The following GAPVD1 variants were observed in gnomAD, a reference collection of about 807,000 sequenced individuals.
GAPVD1 encodes GTPase activating protein and VPS9 domains 1.
In GAPVD1, 35 loss-of-function variants were observed where a neutral mutation model predicts 155.5. The ratio of observed to expected loss-of-function variants is 0.23; its 90% confidence interval spans 0.17 to 0.30. GAPVD1 has a LOEUF of 0.30. GAPVD1 is among the 10% of genes least tolerant of loss of function. The pLI is 1.00. For missense variants in GAPVD1, 1,429 were observed against 1,775.7 expected, an observed-to-expected ratio of 0.80 and a Z score of 3.51; for synonymous variants, 636 against 619.7, an observed-to-expected ratio of 1.03 and a Z score of -0.39.
intron 19 of GAPVD1, among the ~76,000 whole-genome samples, chr9:125,343,877 AC>A (rs1848168669): frequency 6.6e-6 from 1 of 152,226 alleles, no homozygotes; most frequent in Non-Finnish European, 1.5e-5. Context: ...ACTCTTAATG[AC>A]ATCTCATGTT....
intron 2 of GAPVD1, among the ~76,000 whole-genome samples, chr9:125,286,331 A>G (rs972298331): frequency 2.6e-5 from 4 of 151,952 alleles, no homozygotes; most frequent in African/African-American, 9.7e-5. Flanking sequence ...TTTGATAGAG[A>G]TGGAGTTTTG....
intron 23 of GAPVD1, among the ~76,000 whole-genome samples, chr9:125,351,776 T>C (rs1849323466): frequency 6.6e-6 from 1 of 151,780 alleles, no homozygotes. Flanking sequence ...ATTTCGCTCT[T>C]GTTGCCCAGG....
At chr9:125,329,372 A>C (rs1420030907) in intron 12 of GAPVD1, among the ~76,000 whole-genome samples, 1 of 152,106 alleles carries the variant, frequency 6.6e-6, no homozygotes, top group African/African-American at 2.4e-5. Context: ...CAGTGTTTTT[A>C]ATCTTTGTAG....
chr9:125,311,362 C>T (rs1842662640), intron 8 of GAPVD1, among the ~76,000 whole-genome samples: 1 of 152,158 alleles, frequency 6.6e-6, no homozygotes, highest in African/African-American at 2.4e-5. Context: ...TGGCTCATGC[C>T]TGTAATCCCA....
rs1846155816 is a variant in GAPVD1, at chr9:125,331,983, T to C, written c.2231T>C (p.Leu744Pro). Residue 744 changes from leucine (L) to proline (P), a missense_variant, in exon 14 of 28, where the codon CTG (leucine) becomes CCG (proline). Physicochemically the swap from Leu to Pro is moderately conservative, Grantham distance 98. Coordinates refer to ENST00000297933, the MANE Select transcript of GAPVD1 (RefSeq NM_001282680.3). ...RLQELESCSGLGSTSDDTDVR... is the reference protein window; with the variant it reads ...RLQELESCSGPGSTSDDTDVR... ...CAAGAACTGGAGAGCTGTTCTGGACTGGGTAGCACATCTGATGATACGGAT... is the reference window on the plus strand; with the variant it reads ...CAAGAACTGGAGAGCTGTTCTGGACCGGGTAGCACATCTGATGATACGGAT... 6.2e-7 allele frequency: 1 copy of C among 1,613,922 alleles called. No individual in the cohort carries two copies. The highest frequency in any genetic ancestry group is 8.5e-7 in the Non-Finnish European group (1 of 1,179,810).
chr9:125,353,855 A>G (rs1310568766), intron 23 of GAPVD1, among the ~76,000 whole-genome samples: 1 of 152,220 alleles, frequency 6.6e-6, no homozygotes, highest in Non-Finnish European at 1.5e-5. Context: ...GAATACAGCC[A>G]AATCATATCA....
At chr9:125,289,931 C>T (rs1838312035) in intron 2 of GAPVD1, among the ~76,000 whole-genome samples, 1 of 152,116 alleles carries the variant, frequency 6.6e-6, no homozygotes, top group Non-Finnish European at 1.5e-5. Flanking sequence ...AGGAGATAGA[C>T]TGAGTGGAGA....
chr9:125,327,799 C>T (rs1348605703), intron 12 of GAPVD1, among the ~76,000 whole-genome samples: 3 of 152,112 alleles, frequency 2.0e-5, no homozygotes, highest in Non-Finnish European at 4.4e-5. Flanking sequence ...CCATTGCTCC[C>T]GGCCTAAATC....
At chr9:125,338,928 T>TG (rs1491375410) in intron 17 of GAPVD1, among the ~76,000 whole-genome samples, 20 of 141,516 alleles carry the variant, frequency 1.4e-4, no homozygotes, top group African/African-American at 5.2e-4. Flanking sequence ...TTTAAAAAAA[T>TG]TTGTGTGTGT....
At chr9:125,295,370 T>G (rs1000067452) in intron 2 of GAPVD1, 88 bp from the exon 3 acceptor site, 7 of 151,926 alleles carry the variant, frequency 4.6e-5, no homozygotes, top group African/African-American at 1.7e-4. Flanking sequence ...TATAGTGGTG[T>G]CTTAGAAAAG....
At chr9:125,336,213 TC>T (rs1402964095) in intron 15 of GAPVD1, among the ~76,000 whole-genome samples, 1 of 149,150 alleles carries the variant, frequency 6.7e-6, no homozygotes, top group Non-Finnish European at 1.5e-5. Context: ...TTTATAATGA[TC>T]TAACTATAGA....
intron 6 of GAPVD1, 104 bp from the exon 7 acceptor site, chr9:125,307,309 T>C: frequency 1.3e-6 from 1 of 782,280 alleles, no homozygotes; most frequent in Non-Finnish European, 1.9e-6. Context: ...AAAAATATGA[T>C]TTTTAAGATG....
Position 125,298,892 on chromosome 9 carries a change from AT to A in GAPVD1, c.-29del. ...AATCTTTATCTTTTTACTCTTAGTG[AT>A]CAGCCTTTGAGCCTTTCCCACATTG... On this transcript the variant is annotated 5_prime_UTR_variant, in exon 4 of 28. Transcript: ENST00000297933. 1 of 1,411,238 alleles carries A rather than the reference AT, an allele frequency of 7.1e-7. No homozygotes were observed. The highest frequency in any genetic ancestry group is 9.8e-7 in the Non-Finnish European group (1 of 1,024,424). The allele number at this position is 1,411,238 out of a possible 1,614,324, so 87.4% of individuals were successfully genotyped here.
At chr9:125,348,985 T>G (rs1848924000) in intron 20 of GAPVD1, among the ~76,000 whole-genome samples, 1 of 152,168 alleles carries the variant, frequency 6.6e-6, no homozygotes, top group African/African-American at 2.4e-5. Flanking sequence ...CCAAGAAATT[T>G]AGAGCAAGCC....
At chr9:125,329,992 G>A in intron 12 of GAPVD1, 86 bp from the exon 13 acceptor site, 3 of 1,110,166 alleles carry the variant, frequency 2.7e-6, no homozygotes, top group African/African-American at 1.6e-5. Context: ...AGGAGATTTT[G>A]TTAGCTAGTG....
chr9:125,296,358 G>GTTTTTTTTTTTTGT (rs1554758520), intron 3 of GAPVD1, among the ~76,000 whole-genome samples: 41 of 121,740 alleles, frequency 3.4e-4, no homozygotes, highest in South Asian at 9.9e-4. Flanking sequence ...TAGTTCTTAG[G>GTTTTTTTTTTTTGT]TTTTTTTTTT....
chr9:125,264,131 G>C (rs1833438424), intron 1 of GAPVD1: 1 of 706,434 alleles, frequency 1.4e-6, no homozygotes, highest in South Asian at 1.5e-5. Flanking sequence ...CAGGATGACA[G>C]TGTAGACGAA....
At position 125,355,804 on chromosome 9, in the gene GAPVD1, G is replaced by T; in HGVS notation, c.3918G>T (p.Arg1306=). 1.2e-6 allele frequency: 2 copies of T among 1,613,604 alleles called. No homozygotes were observed. Among genetic ancestry groups the T allele is most frequent in the Non-Finnish European group, 1.7e-6 (2 of 1,179,540 alleles). ...CCATTGAGCGAAGCGTGATGAACCG[G>T]ATTTTCAAGCTCGCCTTCTACCCTA... is the stretch of plus-strand genomic sequence containing the variant. ...QLAIERSVMN[R]IFKLAFYPNQ... Residue 1306 remains arginine (R), a synonymous_variant, in exon 25 of 28, where the codon CGG becomes CGT. Coordinates refer to ENST00000297933, the MANE Select transcript of GAPVD1 (RefSeq NM_001282680.3).
chr9:125,267,644 G>C (rs1269888223), intron 1 of GAPVD1, among the ~76,000 whole-genome samples: 1 of 151,964 alleles, frequency 6.6e-6, no homozygotes. Context: ...CCTGACCTCA[G>C]GTGAACTGCC....
Sources: allele counts gnomAD v4.1 joint callset (sites outside exome capture counted in the v4.1 genomes callset), GRCh38; gene constraint gnomAD v4.1.1; transcripts MANE v1.5; gene names NCBI Gene and HGNC (gene_info 2026-07-23, HGNC 2026-07-21).